The following PRDM11 variants were observed in gnomAD, a reference collection of about 807,000 sequenced individuals.
PRDM11 encodes PR domain-containing protein 11.
In PRDM11, 20 loss-of-function variants were observed where a neutral mutation model predicts 97.8. The observed-to-expected ratio is 0.20, with a 90% CI of 0.14 to 0.30. PRDM11 has a LOEUF of 0.30. Ranked by LOEUF, PRDM11 falls within the 10% of genes least tolerant of loss-of-function variation. PRDM11 has a pLI of 1.00. For synonymous variants in PRDM11, 599 were observed against 637.7 expected (o/e 0.94, Z 0.91); for missense variants, 1,139 against 1,555.2 (o/e 0.73, Z 4.50).
chr11:45,224,979 G>A lies in PRDM11; in HGVS notation c.1369+136G>A, dbSNP rs1854236608. 7.9e-6 allele frequency: 12 copies of A among 1,524,380 alleles called. No individual in the cohort carries two copies. In the South Asian group the frequency reaches 1.3e-4, roughly 16 times the overall value. The allele number at this position is 1,524,380 out of a possible 1,614,324, so 94.4% of individuals were successfully genotyped here. A position where few individuals can be genotyped will look rare whatever the true frequency, so the allele number is the denominator to read the frequency against. ...GTAACGTGGAGGCGGCTACCTCCGTGGGTGGGAGCCCAGGTCCTCAGTGTC... is the reference window on the plus strand; with the variant it reads ...GTAACGTGGAGGCGGCTACCTCCGTAGGTGGGAGCCCAGGTCCTCAGTGTC... On this transcript the variant is annotated intron_variant, in intron 7 of 7. Coordinates refer to ENST00000683152, the MANE Select transcript of PRDM11 (RefSeq NM_001384648.1).
At chr11:45,201,817 A>C (rs111486133) in intron 4 of PRDM11, among the ~76,000 whole-genome samples, 4,648 of 151,078 alleles carry the variant, frequency 0.031, 134 homozygotes, top group South Asian at 0.062. Context: ...AAAAAACACA[A>C]AAAAAATTAG....
chr11:45,181,383 G>A (rs1852493941), intron 1 of PRDM11, among the ~76,000 whole-genome samples: 1 of 152,232 alleles, frequency 6.6e-6, no homozygotes, highest in Admixed American at 6.5e-5. Flanking sequence ...AGTTGGGCTT[G>A]AGTTGTGAAC....
rs781543049 is a variant in PRDM11, at chr11:45,219,722, T to G, written c.707T>G (p.Met236Arg). Residue 236 changes from methionine to arginine, a missense_variant, in exon 6 of 8, where the codon ATG becomes AGG. Met to Arg is a moderately conservative substitution (Grantham distance 91). Around this residue, in one of 2 missense-constraint regions of PRDM11, gnomAD observed 429 missense variants for 510.3 expected, o/e 0.84. Transcript: ENST00000683152. This position sits in a 1 kb window ranked among gnomAD's most constrained non-coding sequence, Gnocchi z 4.2. ...SEDYMKRLHS[M>R]SQETIHRNLA... ...GACTACATGAAGCGCCTGCACAGCA[T>G]GTCCCAGGAAACCATTCACCGCAAC... The G allele has an allele frequency of 1.9e-6, 3 of 1,613,852 alleles. No homozygotes were observed. In the African/African-American group the frequency reaches 4.0e-5, roughly 22 times the overall value.
chr11:45,183,302 C>T lies in PRDM11; in HGVS notation c.486+179C>T, dbSNP rs114070069. On this transcript the variant is annotated intron_variant, in intron 4 of 7. Transcript: ENST00000683152. ...GCTGAGTGGCTGCAACGCTTGGTGT[C>T]CAAGGGCAATGCTGAGAGCACCCAC... Among the ~76,000 whole-genome samples, 1,119 of 152,218 alleles carry T rather than the reference C, an allele frequency of 7.4e-3. 9 individuals are homozygous for T. The highest frequency in any genetic ancestry group is 0.026 in the African/African-American group (1,076 of 41,518).
chr11:45,156,704 A>G (rs1366386608), intron 1 of PRDM11, among the ~76,000 whole-genome samples: 1 of 152,196 alleles, frequency 6.6e-6, no homozygotes, highest in Non-Finnish European at 1.5e-5. Context: ...TTGGGATTGA[A>G]GGTAGGATGC....
chr11:45,204,071 C>T (rs1388496783), intron 4 of PRDM11, among the ~76,000 whole-genome samples: 3 of 152,216 alleles, frequency 2.0e-5, no homozygotes, highest in Non-Finnish European at 4.4e-5. Flanking sequence ...AGACTGACAG[C>T]TGTTGCTTTT....
chr11:45,127,922 T>C (rs1424602868), intron 1 of PRDM11, among the ~76,000 whole-genome samples: 1 of 152,256 alleles, frequency 6.6e-6, no homozygotes, highest in African/African-American at 2.4e-5. Flanking sequence ...TACTGCTGTC[T>C]TTTTGTCTTT....
At chr11:45,207,034 G>A (rs1369250104) in intron 5 of PRDM11, among the ~76,000 whole-genome samples, 1 of 152,198 alleles carries the variant, frequency 6.6e-6, no homozygotes, top group Non-Finnish European at 1.5e-5. Flanking sequence ...CTCCCAGCCT[G>A]TCCTGATTCA....
intron 1 of PRDM11, among the ~76,000 whole-genome samples, chr11:45,132,292 G>A (rs554147427): frequency 2.3e-4 from 35 of 152,276 alleles, no homozygotes; most frequent in Non-Finnish European, 4.7e-4. Context: ...GAGCAGAAGT[G>A]AAGACAGACT....
chr11:45,217,442 C>G (rs1032989799), intron 5 of PRDM11, among the ~76,000 whole-genome samples: 1 of 152,234 alleles, frequency 6.6e-6, no homozygotes, highest in African/African-American at 2.4e-5. Flanking sequence ...TAACAGAGAA[C>G]ACAGACCTAG....
At chr11:45,182,582 C>T (rs1265287297) in intron 3 of PRDM11, among the ~76,000 whole-genome samples, 1 of 152,204 alleles carries the variant, frequency 6.6e-6, no homozygotes, top group African/African-American at 2.4e-5. Context: ...CGCCTCGAGT[C>T]CTCTGGCCCA....
chr11:45,158,220 G>A (rs1208865460), intron 1 of PRDM11, among the ~76,000 whole-genome samples: 10 of 152,190 alleles, frequency 6.6e-5, no homozygotes, highest in Admixed American at 6.5e-4. Flanking sequence ...TCCCAGGGCT[G>A]CTGGGAACAG....
chr11:45,096,761 C>T (rs1198835284), intron 1 of PRDM11, among the ~76,000 whole-genome samples: 3 of 152,172 alleles, frequency 2.0e-5, no homozygotes, highest in African/African-American at 7.2e-5. Flanking sequence ...CACAGAGGCA[C>T]TGGGTAGCGT....
chr11:45,227,912 A>G lies in PRDM11; in HGVS notation c.3287A>G (p.Gln1096Arg). 2 of 1,533,882 alleles carry G rather than the reference A, an allele frequency of 1.3e-6. No individual in the cohort carries two copies. Among genetic ancestry groups the G allele is most frequent in the Middle Eastern group, 2.3e-4 (1 of 4,358 alleles). The stretch of plus-strand genomic sequence containing the variant: ...TGCGAGAAAGGCCGCAATGCCCTCC[A>G]GCGAGTTCGCAAAAACCACCGCTCC... ...ACCEKGRNAL[Q>R]RVRKNHRSRL... The change falls in exon 8 of 8, where the codon CAG becomes CGG. Residue 1096 changes from glutamine (Q) to arginine (R), a missense_variant. This residue lies in a region of PRDM11 where 710 missense variants were observed against 1,044.9 expected (regional missense o/e 0.68). Transcript: ENST00000683152. This position sits in a 1 kb window ranked among gnomAD's most constrained non-coding sequence, Gnocchi z 8.0.
intron 1 of PRDM11, among the ~76,000 whole-genome samples, chr11:45,140,743 G>A (rs926781392): frequency 3.3e-5 from 5 of 151,770 alleles, no homozygotes; most frequent in Non-Finnish European, 5.9e-5. Flanking sequence ...TGGCATTCAG[G>A]AGTCTTCCTG....
upstream of PRDM11, among the ~76,000 whole-genome samples, chr11:45,144,329 C>T (rs532287408): frequency 3.5e-4 from 53 of 152,176 alleles, no homozygotes; most frequent in Non-Finnish European, 6.8e-4. Flanking sequence ...TCCCCACAGC[C>T]CCTGGACAAG....
At chr11:45,127,852 C>A (rs1852615379) in intron 1 of PRDM11, among the ~76,000 whole-genome samples, 1 of 152,244 alleles carries the variant, frequency 6.6e-6, no homozygotes, top group African/African-American at 2.4e-5. Flanking sequence ...CAGCTGCGTG[C>A]TGGGAGAACC....
upstream of PRDM11, among the ~76,000 whole-genome samples, chr11:45,095,050 C>T (rs918701839): frequency 1.3e-5 from 2 of 152,122 alleles, no homozygotes; most frequent in Non-Finnish European, 2.9e-5. Context: ...GGCCGGCTGG[C>T]CTTGCCAACT....
chr11:45,157,685 C>T (rs1425216279), intron 1 of PRDM11, among the ~76,000 whole-genome samples: 1 of 152,216 alleles, frequency 6.6e-6, no homozygotes, highest in Non-Finnish European at 1.5e-5. Context: ...GATGGGCAGG[C>T]AGCCCTCGGG....
Sources: allele counts gnomAD v4.1 joint callset (sites outside exome capture counted in the v4.1 genomes callset), GRCh38; gene constraint gnomAD v4.1.1; regional missense constraint gnomAD v4.1.1; non-coding constraint Gnocchi (gnomAD v3.1); transcripts MANE v1.5; gene names NCBI Gene and HGNC (gene_info 2026-07-23, HGNC 2026-07-21).